The following SLC12A8 variants were observed in gnomAD, a reference collection of about 807,000 sequenced individuals.
SLC12A8 encodes the protein cation-chloride cotransporter 9.
In SLC12A8, 69 loss-of-function variants were observed where a neutral mutation model predicts 75.6. That is an observed-to-expected ratio of 0.91 (90% CI 0.75 to 1.11). The LOEUF (loss-of-function observed/expected upper bound fraction) is 1.11. SLC12A8 is among the 50% of genes most tolerant of loss of function. SLC12A8 has a pLI of 0.00. For synonymous variants in SLC12A8, 365 were observed against 372.8 expected, an observed-to-expected ratio of 0.98 and a Z score of 0.24; for missense variants, 877 against 896.7, an observed-to-expected ratio of 0.98 and a Z score of 0.28.
intron 5 of SLC12A8, among the ~76,000 whole-genome samples, chr3:125,146,408 A>G (rs1933774857): frequency 6.6e-6 from 1 of 152,242 alleles, no homozygotes; most frequent in Non-Finnish European, 1.5e-5. Context: ...TACAGTTAAA[A>G]ACGGTTAAAA....
intron 5 of SLC12A8, among the ~76,000 whole-genome samples, chr3:125,136,678 T>C (rs1208197533): frequency 6.6e-6 from 1 of 152,218 alleles, no homozygotes; most frequent in East Asian, 1.9e-4. Flanking sequence ...TCAATTTGAC[T>C]TGTTCACAGC....
chr3:125,115,262 C>T (rs1939281194), intron 8 of SLC12A8, among the ~76,000 whole-genome samples: 1 of 152,196 alleles, frequency 6.6e-6, no homozygotes. Context: ...TAGCTCATCC[C>T]TGTAATCCCA....
At chr3:125,212,299 G>T (rs1282703114) in intron 1 of SLC12A8, among the ~76,000 whole-genome samples, 2 of 152,144 alleles carry the variant, frequency 1.3e-5, no homozygotes, top group Admixed American at 1.3e-4. Context: ...CCGGGTGACA[G>T]GTAGGGAGCC....
chr3:125,119,668 G>T (rs541672460), intron 7 of SLC12A8, among the ~76,000 whole-genome samples: 1 of 152,332 alleles, frequency 6.6e-6, no homozygotes, highest in East Asian at 1.9e-4. Context: ...TCTTCCCAAT[G>T]TTATTGCACA....
At position 125,210,614 on chromosome 3, in the gene SLC12A8, G is replaced by C. The variant is rs570435295; in HGVS notation, c.51+685C>G. Among the ~76,000 whole-genome samples, 189 of 152,278 alleles carry C rather than the reference G, an allele frequency of 1.2e-3. 2 individuals carry two copies. The highest frequency in any genetic ancestry group is 3.9e-3 in the African/African-American group (162 of 41,544). ...CCCCTCTGATGGGGCTTGTCCCCCT[G>C]TTACAAGGCTGGGAAACCCTCCTGC... is the stretch of plus-strand genomic sequence containing the variant. On this transcript the variant is annotated intron_variant, in intron 2 of 13. Coordinates refer to ENST00000469902, the MANE Select transcript of SLC12A8 (RefSeq NM_024628.6).
chr3:125,155,029 G>T (rs372606075), intron 5 of SLC12A8: 9 of 152,304 alleles, frequency 5.9e-5, no homozygotes, highest in African/African-American at 2.2e-4. Context: ...GGACAAAGCA[G>T]GGTTCATGTC....
At chr3:125,086,059 A>T (rs972059338) in intron 13 of SLC12A8, among the ~76,000 whole-genome samples, 3 of 151,530 alleles carry the variant, frequency 2.0e-5, no homozygotes, top group Admixed American at 2.0e-4. Flanking sequence ...CACCTGCCAC[A>T]TGCCTGGTGA....
chr3:125,202,829 T>C (rs1043543993), intron 2 of SLC12A8, among the ~76,000 whole-genome samples: 1 of 152,064 alleles, frequency 6.6e-6, no homozygotes, highest in African/African-American at 2.4e-5. Flanking sequence ...GGCTCAGGCC[T>C]GTAATCCCAG....
intron 3 of SLC12A8, among the ~76,000 whole-genome samples, chr3:125,189,433 C>T (rs1017070544): frequency 6.6e-5 from 10 of 152,224 alleles, no homozygotes; most frequent in African/African-American, 2.4e-4. Flanking sequence ...CCTGGCTCAA[C>T]TGCATCTCCT....
At chr3:125,172,302 T>TCC (rs1934419926) in intron 5 of SLC12A8, among the ~76,000 whole-genome samples, 1 of 150,236 alleles carries the variant, frequency 6.7e-6, no homozygotes. Context: ...ATCTTCTCTG[T>TCC]TCTCTCTCTC....
At chr3:125,202,981 G>A (rs1435027958) in intron 2 of SLC12A8, among the ~76,000 whole-genome samples, 2 of 151,238 alleles carry the variant, frequency 1.3e-5, no homozygotes, top group African/African-American at 2.4e-5. Context: ...CCAGCTACTT[G>A]GGAGGCTGAG....
chr3:125,193,543 C>T (rs1166447003), intron 2 of SLC12A8, among the ~76,000 whole-genome samples: 1 of 152,232 alleles, frequency 6.6e-6, no homozygotes, highest in African/African-American at 2.4e-5. Context: ...AGCTCTTGCT[C>T]TGTCCTGCGT....
chr3:125,146,097 T>A (rs1933766748), intron 5 of SLC12A8, among the ~76,000 whole-genome samples: 1 of 152,242 alleles, frequency 6.6e-6, no homozygotes, highest in African/African-American at 2.4e-5. Flanking sequence ...CCCAAAGTGC[T>A]GAGATTATAG....
In SLC12A8 at chr3:125,137,742, A is replaced by G. The variant is rs74622624; in HGVS notation, c.623-1960T>C. On this transcript the variant is annotated intron_variant, in intron 5 of 13. Coordinates refer to ENST00000469902, the MANE Select transcript of SLC12A8 (RefSeq NM_024628.6). ...GAAGGTTCAGAGGGATTTCAGGCCC[A>G]ATAGATGAGTCACTGGGAAGCCTTT... Among the ~76,000 whole-genome samples, 1,274 of 152,378 alleles carry G rather than the reference A, an allele frequency of 8.4e-3. 10 individuals are homozygous for G. The highest frequency in any genetic ancestry group is 0.014 in the Non-Finnish European group (929 of 68,034).
intron 5 of SLC12A8, among the ~76,000 whole-genome samples, chr3:125,175,008 C>T (rs1225278658): frequency 6.6e-6 from 1 of 152,060 alleles, no homozygotes; most frequent in Admixed American, 6.6e-5. Context: ...CACATTAACA[C>T]AGGATATTAA....
chr3:125,148,512 G>C (rs1223116280), intron 5 of SLC12A8, among the ~76,000 whole-genome samples: 1 of 143,714 alleles, frequency 7.0e-6, no homozygotes, highest in South Asian at 2.2e-4. Context: ...AGAGTGGGGT[G>C]GGGGGCCCAC....
intron 5 of SLC12A8, among the ~76,000 whole-genome samples, 159 bp downstream of exon 5, chr3:125,177,584 C>T (rs1579526453): frequency 6.6e-6 from 1 of 151,864 alleles, no homozygotes; most frequent in Admixed American, 6.6e-5. Flanking sequence ...GAAGCTGCTC[C>T]AAGACACACC....
intron 9 of SLC12A8, among the ~76,000 whole-genome samples, chr3:125,108,850 G>A (rs1939107919): frequency 2.0e-5 from 3 of 152,146 alleles, no homozygotes; most frequent in Non-Finnish European, 2.9e-5. Context: ...CTGGAGGAGG[G>A]GAATTCTGAC....
intron 5 of SLC12A8, among the ~76,000 whole-genome samples, chr3:125,137,937 G>A (rs554399215): frequency 1.4e-5 from 2 of 147,334 alleles, no homozygotes; most frequent in East Asian, 2.0e-4. Flanking sequence ...ACACGCTCAC[G>A]CTCACACTCA....
Sources: gnomAD v4.1 joint callset for allele counts (sites outside exome capture counted in the v4.1 genomes callset) on GRCh38, gnomAD v4.1.1 for gene constraint, MANE v1.5 for transcripts, NCBI Gene and HGNC (gene_info 2026-07-23, HGNC 2026-07-21) for gene names.